KNTC1: variants seen among roughly 807,000 people sequenced by gnomAD.
The protein encoded by KNTC1 is kinetochore associated 1, also known as kinetochore-associated protein 1.
Under a neutral mutation model 314.4 loss-of-function variants are expected in KNTC1, and 253 were observed. That is an observed-to-expected ratio of 0.80 (90% CI 0.73 to 0.89). KNTC1 has a LOEUF of 0.89. KNTC1 is among the 40% of genes least tolerant of loss of function. The probability of loss-of-function intolerance (pLI) is 0.00; values close to 1 mark genes in which losing one functional copy is unlikely to be tolerated. For synonymous variants in KNTC1, 901 were observed against 901.4 expected (o/e 1.00, Z 0.01); for missense variants, 2,475 against 2,572.9 (o/e 0.96, Z 0.82).
chr12:122,598,931 T>C (rs1279549166), intron 44 of KNTC1, among the ~76,000 whole-genome samples: 1 of 151,588 alleles, frequency 6.6e-6, no homozygotes, highest in Non-Finnish European at 1.5e-5. Context: ...TACCTCAGCC[T>C]CCCAGATAGC....
chr12:122,618,378 A>G lies in KNTC1; in HGVS notation c.6066A>G (p.Ile2022Met). The G allele has an allele frequency of 6.2e-7, 1 of 1,613,814 alleles. No homozygotes were observed. The highest frequency in any genetic ancestry group is 8.5e-7 in the Non-Finnish European group (1 of 1,179,770). Residue 2022 changes from isoleucine to methionine, a missense_variant, in exon 58 of 64, where the codon ATA (isoleucine) becomes ATG (methionine). Physicochemically the swap from Ile to Met is conservative, Grantham distance 10. Transcript: ENST00000333479. Reference sequence around the variant, plus strand: ...TCAGCAAAGCGTGGCAGCGTGTGATACAGATACCACTGCTTTCAGGTATTT... The same window carrying G: ...TCAGCAAAGCGTGGCAGCGTGTGATGCAGATACCACTGCTTTCAGGTATTT... ...PYFSKAWQRV[I>M]QIPLLSASCP... is the part of the protein sequence containing the mutation.
chr12:122,585,281 A>AT (rs1869087366), intron 36 of KNTC1, among the ~76,000 whole-genome samples: 1 of 151,980 alleles, frequency 6.6e-6, no homozygotes, highest in Non-Finnish European at 1.5e-5. Context: ...GGCTCAAGTG[A>AT]TTCCCCCACC....
chr12:122,531,519 T>C (rs969575090), intron 2 of KNTC1, among the ~76,000 whole-genome samples: 1 of 152,086 alleles, frequency 6.6e-6, no homozygotes, highest in Non-Finnish European at 1.5e-5. Flanking sequence ...AAATGTACCA[T>C]GAATCATGTT....
intron 5 of KNTC1, among the ~76,000 whole-genome samples, chr12:122,541,775 C>T (rs1282165529): frequency 6.6e-6 from 1 of 151,756 alleles, no homozygotes; most frequent in Non-Finnish European, 1.5e-5. Context: ...AATCCCAGCA[C>T]TTTGGGAGGC....
chr12:122,598,421 C>CTTTTCTTTT (rs1871350191), intron 44 of KNTC1, among the ~76,000 whole-genome samples: 2 of 124,284 alleles, frequency 1.6e-5, no homozygotes, highest in Non-Finnish European at 3.3e-5. Context: ...TTTTTCTTTT[C>CTTTTCTTTT]TTTTTTTTTT....
intron 48 of KNTC1, among the ~76,000 whole-genome samples, chr12:122,604,168 CTTTTTTTTTTTT>C (rs1163057379): frequency 1.0e-5 from 1 of 100,362 alleles, no homozygotes; most frequent in Non-Finnish European, 2.0e-5. Flanking sequence ...CCCCGGTGGG[CTTTTTTTTTTTT>C]TTTTTTTTTT....
rs536337967 is a variant in KNTC1 at position 122,542,774 on chromosome 12, A to T, written c.523+647A>T. Among the ~76,000 whole-genome samples, 104 of 152,294 alleles carry T rather than the reference A, an allele frequency of 6.8e-4. 1 individual carries two copies. Among genetic ancestry groups the T allele is most frequent in the Admixed American group, 2.0e-3 (31 of 15,278 alleles). On this transcript the variant is annotated intron_variant, in intron 6 of 63. Transcript: ENST00000333479. ...AGCGAAACTCTGTCTCAAAAAAAAA[A>T]ATATATAGTGCAGAACAATAATGTA... is the stretch of plus-strand genomic sequence containing the variant.
chr12:122,597,856 T>C lies in KNTC1; in HGVS notation c.4481T>C (p.Leu1494Pro), dbSNP rs775946277. ...MDSAKRRHPKLLAKALEMVPL... is the reference protein window; with the variant it reads ...MDSAKRRHPKPLAKALEMVPL... Reference sequence around the variant, plus strand: ...TCTGCAAAGCGGCGGCATCCCAAACTCCTGGCCAAAGCCCTTGAGATGGTT... The same window carrying C: ...TCTGCAAAGCGGCGGCATCCCAAACCCCTGGCCAAAGCCCTTGAGATGGTT... The change falls in exon 44 of 64, where the codon CTC becomes CCC. Residue 1494 changes from leucine (L) to proline (P), a missense_variant. Transcript: ENST00000333479. 1 of 1,614,006 alleles carries C rather than the reference T, an allele frequency of 6.2e-7. No homozygotes were observed. Among genetic ancestry groups the C allele is most frequent in the South Asian group, 1.1e-5 (1 of 91,084 alleles).
At chr12:122,536,058 C>T (rs1313021219) in intron 3 of KNTC1, among the ~76,000 whole-genome samples, 1 of 147,166 alleles carries the variant, frequency 6.8e-6, no homozygotes, top group Non-Finnish European at 1.5e-5. Context: ...CATGCCTGGG[C>T]AATTTTTTGT....
intron 22 of KNTC1, 122 bp from the exon 23 acceptor site, chr12:122,570,754 A>G: frequency 1.4e-6 from 1 of 697,686 alleles, no homozygotes; most frequent in East Asian, 2.8e-5. Flanking sequence ...AAAAAAGACA[A>G]TCGTGGATAA....
chr12:122,542,124 CAAGGT>C lies in KNTC1; in HGVS notation c.523+1_523+5del. ...AAACCTTCAGCTTTTAAAAATTCAA[CAAGGT>C]AAGTAATACATTATATTTTTATTAT... On this transcript the variant is annotated splice_donor_variant and coding_sequence_variant, in exon 6 of 64. Coordinates refer to ENST00000333479, the MANE Select transcript of KNTC1 (RefSeq NM_014708.6). LOFTEE classifies it high-confidence loss of function. The C allele has an allele frequency of 6.8e-7, 1 of 1,477,712 alleles. No individual in the cohort carries two copies. The highest frequency in any genetic ancestry group is 9.3e-7 in the Non-Finnish European group (1 of 1,079,718). 91.5% of individuals were successfully genotyped at this position (1,477,712 alleles called of 1,614,324 possible).
intron 31 of KNTC1, among the ~76,000 whole-genome samples, chr12:122,578,452 T>G (rs1965176655): frequency 6.6e-6 from 1 of 152,078 alleles, no homozygotes; most frequent in Non-Finnish European, 1.5e-5. Flanking sequence ...GACAAGAGTC[T>G]TGCTCTGTTG....
chr12:122,551,320 A>AT lies in KNTC1; in HGVS notation c.1089dup (p.Thr364TyrfsTer12), dbSNP rs773492036. ...AATCATGTTTTTTTGTTATTGTAGG[A>AT]TACCATATACCTTTTAGAAGGAGTT... On this transcript the variant is annotated frameshift_variant and splice_region_variant, in exon 14 of 64. Transcript: ENST00000333479. LOFTEE classifies it high-confidence loss of function. 1 of 1,558,990 alleles carries AT rather than the reference A, an allele frequency of 6.4e-7. No homozygotes were observed. Among genetic ancestry groups the AT allele is most frequent in the Admixed American group, 1.8e-5 (1 of 56,992 alleles).
chr12:122,549,727 A>G (rs1340282982), intron 12 of KNTC1, 39 bp from the exon 13 acceptor site: 1 of 1,016,672 alleles, frequency 9.8e-7, no homozygotes, highest in Admixed American at 2.0e-5. Flanking sequence ...GCATGTTTAA[A>G]TTGATCTGCT....
chr12:122,546,290 T>G (rs775143984), intron 9 of KNTC1, 21 bp downstream of exon 9: 2 of 1,357,912 alleles, frequency 1.5e-6, no homozygotes, highest in South Asian at 1.2e-5. Context: ...TTAATGAAAC[T>G]ACTTTAGACA....
intron 44 of KNTC1, among the ~76,000 whole-genome samples, chr12:122,600,690 T>C (rs915600521): frequency 1.3e-5 from 2 of 151,692 alleles, no homozygotes; most frequent in East Asian, 1.9e-4. Flanking sequence ...TTTTGAGACA[T>C]AGTCTGGTTC....
chr12:122,605,449 G>C lies in KNTC1; in HGVS notation c.5496+34G>C, dbSNP rs1255198182. On this transcript the variant is annotated intron_variant, in intron 51 of 63. Coordinates refer to ENST00000333479, the MANE Select transcript of KNTC1 (RefSeq NM_014708.6). ...TTGCTGCCCAAGAGTATCTGTAGTT[G>C]AGTATGCACTGATGGCTTCTTCTCA... is the stretch of plus-strand genomic sequence containing the variant. The C allele has an allele frequency of 2.9e-6, 3 of 1,039,696 alleles. No homozygotes were observed. In the African/African-American group the frequency reaches 4.8e-5, roughly 17 times the overall value. 64.4% of individuals were successfully genotyped at this position (1,039,696 alleles called of 1,614,324 possible).
chr12:122,604,846 G>T (rs931143228), intron 49 of KNTC1, 31 bp from the exon 50 acceptor site: 72 of 1,566,374 alleles, frequency 4.6e-5, no homozygotes, highest in Non-Finnish European at 6.2e-5. Flanking sequence ...TACAAAGTAA[G>T]ATTTTCTTTT....
Position 122,546,181 on chromosome 12 carries a change from C to T in KNTC1, c.675C>T (p.Thr225=), listed in dbSNP as rs181183026. The change falls in exon 9 of 64, where the codon ACC becomes ACT. Residue 225 remains threonine, a synonymous_variant. Coordinates refer to ENST00000333479, the MANE Select transcript of KNTC1 (RefSeq NM_014708.6). ...ASEVPVIIGG[T]GNCAFSKWEP... is the part of the protein sequence containing the mutation. ...TACTGTGTTCATTTTTCCAGGGAAC[C>T]GGTAATTGTGCATTCTCAAAATGGG... 2.4e-5 allele frequency: 39 copies of T among 1,601,756 alleles called. No individual in the cohort carries two copies. The highest frequency in any genetic ancestry group is 1.8e-4 in the East Asian group (8 of 44,694).
Sources: gnomAD v4.1 joint callset for allele counts (sites outside exome capture counted in the v4.1 genomes callset) on GRCh38, gnomAD v4.1.1 for gene constraint, MANE v1.5 for transcripts, NCBI Gene and HGNC (gene_info 2026-07-23, HGNC 2026-07-21) for gene names.